Variants in HIPK1 observed in about 807,000 individuals in gnomAD.
HIPK1 encodes the protein homeodomain interacting protein kinase 1.
HIPK1 carries 28 observed loss-of-function variants against 117.1 expected under a neutral mutation model. That is an observed-to-expected ratio of 0.24 (90% CI 0.18 to 0.33). The LOEUF (loss-of-function observed/expected upper bound fraction) is 0.33. Among genes scored for constraint, HIPK1 ranks in the 10% least tolerant of loss-of-function variants. The pLI is 1.00. For missense variants in HIPK1, 1,122 were observed against 1,475.1 expected, an observed-to-expected ratio of 0.76 and a Z score of 3.92; for synonymous variants, 605 against 562.5, an observed-to-expected ratio of 1.08 and a Z score of -1.07.
At chr1:113,932,659 G>A (rs1294952667) in intron 1 of HIPK1, among the ~76,000 whole-genome samples, 15 of 152,080 alleles carry the variant, frequency 9.9e-5, no homozygotes, top group African/African-American at 3.4e-4. Flanking sequence ...GATTACAGGC[G>A]TGAGCCACCA....
chr1:113,972,986 G>A, intron 15 of HIPK1, 38 bp from the exon 16 acceptor site: 1 of 1,509,092 alleles, frequency 6.6e-7, no homozygotes, highest in East Asian at 2.3e-5. Flanking sequence ...GAGCTGGAGT[G>A]ACCTCAGGAT....
intron 6 of HIPK1, 47 bp from the exon 7 acceptor site, chr1:113,957,077 G>C (rs1558139456): frequency 6.8e-7 from 1 of 1,480,196 alleles, no homozygotes; most frequent in African/African-American, 1.4e-5. Flanking sequence ...TTTGCTGTCT[G>C]TTTAAATCTC....
chr1:113,932,371 T>G (rs991858837), intron 1 of HIPK1: 19 of 120,836 alleles, frequency 1.6e-4, no homozygotes, highest in Admixed American at 1.6e-3. Flanking sequence ...TTTGGATCTG[T>G]TTTTTTTTTT....
intron 2 of HIPK1, among the ~76,000 whole-genome samples, chr1:113,943,381 A>G (rs894276963): frequency 6.6e-6 from 1 of 152,156 alleles, no homozygotes; most frequent in Non-Finnish European, 1.5e-5. Context: ...GAATCATACA[A>G]TATTTGTCTT....
Position 113,954,656 on chromosome 1 carries a change from T to C in HIPK1, c.1206T>C (p.Arg402=), listed in dbSNP as rs752962261. The part of the protein sequence containing the change: ...YPGASEYDQI[R]YISQTQGLPA... ...TGATGGTTTTGATGTTTCAGATTCGTTATATTTCACAAACACAAGGCTTGC... is the reference window on the plus strand; with the variant it reads ...TGATGGTTTTGATGTTTCAGATTCGCTATATTTCACAAACACAAGGCTTGC... Residue 402 remains arginine (R), a synonymous_variant, in exon 4 of 16, where the codon CGT becomes CGC. Transcript: ENST00000426820. 2 of 1,613,892 alleles carry C rather than the reference T, an allele frequency of 1.2e-6. No individual in the cohort carries two copies. The highest frequency in any genetic ancestry group is 1.1e-5 in the South Asian group (1 of 91,070).
At chr1:113,939,887 C>G (rs767726605) in intron 1 of HIPK1, among the ~76,000 whole-genome samples, 3 of 151,162 alleles carry the variant, frequency 2.0e-5, no homozygotes, top group African/African-American at 7.3e-5. Flanking sequence ...ATCCTTTCCT[C>G]ATATTTTTCT....
At chr1:113,930,756 TG>T (rs1257695124) in intron 1 of HIPK1, 1 of 151,482 alleles carries the variant, frequency 6.6e-6, no homozygotes, top group Non-Finnish European at 1.5e-5. Flanking sequence ...CTGTGAGCAA[TG>T]GCCTGTGTTT....
At chr1:113,937,127 G>T (rs1005873233) in intron 1 of HIPK1, among the ~76,000 whole-genome samples, 1 of 152,134 alleles carries the variant, frequency 6.6e-6, no homozygotes, top group African/African-American at 2.4e-5. Flanking sequence ...CAGTTAAATT[G>T]TACTGACCTT....
rs1408001329 is a variant in HIPK1, at chr1:113,973,663, T to G, written c.*151T>G. ...GGCCCACTGAAGCAGAAGGTTTTTC[T>G]CTGGGGGAACCTGTCTCAGTGTTGA... is the stretch of plus-strand genomic sequence containing the variant. On this transcript the variant is annotated 3_prime_UTR_variant, in exon 16 of 16. Transcript: ENST00000426820. 16 of 827,796 alleles carry G rather than the reference T, an allele frequency of 1.9e-5. No homozygotes were observed. Among genetic ancestry groups the G allele is most frequent in the Non-Finnish European group, 2.9e-5 (16 of 556,088 alleles). The allele number at this position is 827,796 out of a possible 1,614,324, so 51.3% of individuals were successfully genotyped here. A position where few individuals can be genotyped will look rare whatever the true frequency, so the allele number is the denominator to read the frequency against.
In HIPK1 at chr1:113,958,820, G is replaced by A. The variant is rs1014550877; in HGVS notation, c.1981+529G>A. On this transcript the variant is annotated intron_variant, in intron 8 of 15. Coordinates refer to ENST00000426820, the MANE Select transcript of HIPK1 (RefSeq NM_198268.3). ...GAACTAAAAAATCCTACAGGCTGAG[G>A]TGCTTGTGTGGGGCAGGCATTAAGA... Among the ~76,000 whole-genome samples, 4 of 152,174 alleles carry A rather than the reference G, an allele frequency of 2.6e-5. No individual in the cohort carries two copies. The East Asian group carries it at 7.7e-4, about 29-fold the overall frequency.
intron 1 of HIPK1, among the ~76,000 whole-genome samples, chr1:113,935,477 C>G (rs1670194033): frequency 6.6e-6 from 1 of 152,150 alleles, no homozygotes; most frequent in Non-Finnish European, 1.5e-5. Context: ...GTGAATAGTG[C>G]TGCAGTGAAC....
At chr1:113,968,395 G>A (rs1328804288) in intron 12 of HIPK1, 47 bp from the exon 13 acceptor site, 2 of 1,354,998 alleles carry the variant, frequency 1.5e-6, no homozygotes, top group Non-Finnish European at 2.1e-6. Context: ...TACACAATTT[G>A]GAAGGCCAAG....
intron 2 of HIPK1, among the ~76,000 whole-genome samples, chr1:113,949,237 A>G (rs1671185764): frequency 2.0e-5 from 3 of 152,212 alleles, no homozygotes; most frequent in African/African-American, 7.2e-5. Flanking sequence ...TATGGTAGGA[A>G]TAGCAAAATC....
At chr1:113,970,592 G>T (rs1408992452) in intron 14 of HIPK1, among the ~76,000 whole-genome samples, 1 of 152,296 alleles carries the variant, frequency 6.6e-6, no homozygotes, top group African/African-American at 2.4e-5. Context: ...TTGGAAAACA[G>T]TTATATTCTT....
chr1:113,963,967 A>C (rs1032234734), intron 10 of HIPK1, among the ~76,000 whole-genome samples: 4 of 152,186 alleles, frequency 2.6e-5, no homozygotes, highest in Non-Finnish European at 4.4e-5. Context: ...CGTTGGCAAG[A>C]TAGCTTTCTC....
In HIPK1 at chr1:113,930,062, A is replaced by G. The variant is rs1329113748; in HGVS notation, c.-3+530A>G. 3.1e-6 allele frequency: 3 copies of G among 970,936 alleles called. No homozygotes were observed. In the African/African-American group the frequency reaches 5.3e-5, roughly 17 times the overall value. 60.1% of individuals were successfully genotyped at this position (970,936 alleles called of 1,614,324 possible). A position where few individuals can be genotyped will look rare whatever the true frequency, so the allele number is the denominator to read the frequency against. On this transcript the variant is annotated intron_variant, in intron 1 of 15. Coordinates refer to ENST00000426820, the MANE Select transcript of HIPK1 (RefSeq NM_198268.3). Reference sequence around the variant, plus strand: ...CCAGCCTGCCGGGGGCGCCTTCCTCAAAGGGCCCCTGCCTGGGACCGGGCG... The same window carrying G: ...CCAGCCTGCCGGGGGCGCCTTCCTCGAAGGGCCCCTGCCTGGGACCGGGCG...
intron 13 of HIPK1, among the ~76,000 whole-genome samples, chr1:113,969,505 A>G (rs1040918537): frequency 5.9e-5 from 9 of 152,328 alleles, no homozygotes; most frequent in Non-Finnish European, 1.0e-4. Flanking sequence ...TGCCTGATAC[A>G]TAAGTACCCA....
chr1:113,959,023 T>G (rs1370283072), intron 8 of HIPK1, among the ~76,000 whole-genome samples: 1 of 152,164 alleles, frequency 6.6e-6, no homozygotes, highest in Admixed American at 6.5e-5. Flanking sequence ...GTTTCTTTTT[T>G]CTGTATATGG....
chr1:113,959,386 A>G (rs748093498), intron 8 of HIPK1, among the ~76,000 whole-genome samples: 1 of 152,174 alleles, frequency 6.6e-6, no homozygotes, highest in Non-Finnish European at 1.5e-5. Context: ...GACAGATTCA[A>G]AATCCGTAAA....
Sources: gnomAD v4.1 joint callset for allele counts (sites outside exome capture counted in the v4.1 genomes callset) on GRCh38, gnomAD v4.1.1 for gene constraint, MANE v1.5 for transcripts, NCBI Gene and HGNC (gene_info 2026-07-23, HGNC 2026-07-21) for gene names.